Variants in CHCHD3 observed in about 807,000 individuals in gnomAD.
The protein encoded by CHCHD3 is coiled-coil-helix-coiled-coil-helix domain containing 3.
In CHCHD3, 20 loss-of-function variants were observed where a neutral mutation model predicts 38.2. The observed-to-expected ratio is 0.52, with a 90% CI of 0.37 to 0.76. The LOEUF (loss-of-function observed/expected upper bound fraction) is 0.76, where lower values mean the gene tolerates loss of function less well. CHCHD3 is among the 30% of genes least tolerant of loss of function. CHCHD3 has a pLI of 0.00. For synonymous variants in CHCHD3, 82 were observed against 100.0 expected, an observed-to-expected ratio of 0.82 and a Z score of 1.07; for missense variants, 245 against 279.2, an observed-to-expected ratio of 0.88 and a Z score of 0.87.
At chr7:132,900,293 C>T (rs191400355) in intron 4 of CHCHD3, among the ~76,000 whole-genome samples, 5 of 19,828 alleles carry the variant, frequency 2.5e-4, no homozygotes, top group African/African-American at 1.1e-3. Flanking sequence ...TTACATCATA[C>T]GGACATTTAA....
intron 4 of CHCHD3, among the ~76,000 whole-genome samples, chr7:132,935,067 G>A (rs923467583): frequency 2.0e-5 from 3 of 152,136 alleles, no homozygotes; most frequent in African/African-American, 7.2e-5. Context: ...AAACTCCACT[G>A]GACCCCCAAA....
intron 2 of CHCHD3, among the ~76,000 whole-genome samples, chr7:133,031,889 A>C (rs1293839644): frequency 2.0e-5 from 3 of 152,212 alleles, no homozygotes; most frequent in Non-Finnish European, 2.9e-5. Context: ...TTTTCAGCTC[A>C]ATAGAAATAC....
chr7:132,833,707 C>T (rs1426276119), intron 6 of CHCHD3, among the ~76,000 whole-genome samples: 1 of 152,106 alleles, frequency 6.6e-6, no homozygotes, highest in East Asian at 1.9e-4. Flanking sequence ...ATTTTACTGC[C>T]AAAACTATAC....
At chr7:132,861,812 AT>A (rs150981857) in intron 5 of CHCHD3, among the ~76,000 whole-genome samples, 35,094 of 151,960 alleles carry the variant, frequency 0.23, 4,241 homozygotes, top group South Asian at 0.26. Context: ...ATTCTTTTGA[AT>A]TTTTTCCCCA....
intron 4 of CHCHD3, among the ~76,000 whole-genome samples, chr7:132,886,789 G>A (rs1208259326): frequency 6.6e-6 from 1 of 151,394 alleles, no homozygotes; most frequent in Non-Finnish European, 1.5e-5. Flanking sequence ...TTAATTGTAT[G>A]CATCCAGCCA....
intron 4 of CHCHD3, among the ~76,000 whole-genome samples, chr7:132,910,175 G>A (rs769595774): frequency 6.6e-5 from 10 of 152,170 alleles, no homozygotes; most frequent in Non-Finnish European, 1.0e-4. Flanking sequence ...TATATTAAGG[G>A]CGGCCCTGGA....
chr7:132,803,377 A>G (rs1472979799), intron 6 of CHCHD3, among the ~76,000 whole-genome samples: 1 of 151,584 alleles, frequency 6.6e-6, no homozygotes, highest in South Asian at 2.1e-4. Flanking sequence ...TTATTAAATA[A>G]AGGCATGGCA....
intron 4 of CHCHD3, among the ~76,000 whole-genome samples, chr7:132,926,575 T>C (rs1387273384): frequency 6.6e-6 from 1 of 152,150 alleles, no homozygotes; most frequent in East Asian, 1.9e-4. Flanking sequence ...ATGTACATAT[T>C]TGCATTCTGT....
chr7:132,860,322 G>GAGAGAGAGAGAGAGAT (rs1554377230), intron 5 of CHCHD3, among the ~76,000 whole-genome samples: 1 of 149,876 alleles, frequency 6.7e-6, no homozygotes, highest in African/African-American at 2.5e-5. Flanking sequence ...GAGAAAGAGA[G>GAGAGAGAGAGAGAGAT]AGAGAGAGAG....
intron 3 of CHCHD3, among the ~76,000 whole-genome samples, chr7:132,997,659 T>TAAAAAAAAAAAAAAA (rs71178073): frequency 1.2e-5 from 1 of 81,736 alleles, no homozygotes; most frequent in African/African-American, 4.8e-5. Context: ...AACAGGGTTG[T>TAAAAAAAAAAAAAAA]AAAAAAAAAA....
At chr7:132,860,298 T>G (rs377470055) in intron 5 of CHCHD3, among the ~76,000 whole-genome samples, 71 of 96,352 alleles carry the variant, frequency 7.4e-4, no homozygotes, top group African/African-American at 2.5e-3. Flanking sequence ...TATAGATAGA[T>G]AGATAGAGAG....
intron 4 of CHCHD3, among the ~76,000 whole-genome samples, chr7:132,919,188 A>G (rs1370195594): frequency 7.6e-6 from 1 of 131,456 alleles, no homozygotes; most frequent in Non-Finnish European, 1.5e-5. Flanking sequence ...GGCTCACTGC[A>G]AGCTCCGCCT....
At chr7:132,961,366 G>A (rs1811314978) in intron 4 of CHCHD3, among the ~76,000 whole-genome samples, 1 of 152,306 alleles carries the variant, frequency 6.6e-6, no homozygotes, top group African/African-American at 2.4e-5. Context: ...TTTAAGCTTA[G>A]AGACAGCAAA....
chr7:132,857,494 G>A (rs1332080670), intron 5 of CHCHD3, among the ~76,000 whole-genome samples: 5 of 152,118 alleles, frequency 3.3e-5, no homozygotes, highest in African/African-American at 1.2e-4. Context: ...TGCAACCTCA[G>A]CCTCCCAGGT....
intron 5 of CHCHD3, among the ~76,000 whole-genome samples, chr7:132,871,306 T>C (rs1265004981): frequency 6.6e-6 from 1 of 152,228 alleles, no homozygotes; most frequent in Non-Finnish European, 1.5e-5. Context: ...TTTTTTAATG[T>C]ACCCAACAGC....
intron 7 of CHCHD3, among the ~76,000 whole-genome samples, chr7:132,787,442 G>A (rs1290166124): frequency 6.6e-6 from 1 of 152,092 alleles, no homozygotes; most frequent in Non-Finnish European, 1.5e-5. Context: ...CCCAAGGTAT[G>A]GGAGGATCCT....
intron 4 of CHCHD3, among the ~76,000 whole-genome samples, chr7:132,961,370 C>T (rs1349977373): frequency 2.0e-5 from 3 of 152,170 alleles, no homozygotes; most frequent in South Asian, 4.1e-4. Flanking sequence ...AGCTTAGAGA[C>T]AGCAAAGGGG....
In CHCHD3 at chr7:133,060,408, G is replaced by A. The variant is rs147818089; in HGVS notation, c.169+9734C>T. Among the ~76,000 whole-genome samples, 45 of 152,292 alleles carry A rather than the reference G, an allele frequency of 3.0e-4. No individual in the cohort carries two copies. In the East Asian group the frequency reaches 4.1e-3, roughly 14 times the overall value. On this transcript the variant is annotated intron_variant, in intron 2 of 7. Transcript: ENST00000262570. Reference sequence around the variant, plus strand: ...CCACGTGACGTGTGCTACGAGAGACGTGCACAGGTACCACAGGCCCACACA... The same window carrying A: ...CCACGTGACGTGTGCTACGAGAGACATGCACAGGTACCACAGGCCCACACA...
At chr7:132,978,643 AC>A (rs1811835805) in intron 3 of CHCHD3, among the ~76,000 whole-genome samples, 1 of 152,210 alleles carries the variant, frequency 6.6e-6, no homozygotes, top group African/African-American at 2.4e-5. Flanking sequence ...AACTAACGAG[AC>A]AAACTGTATC....
Sources: gnomAD v4.1 joint callset for allele counts (sites outside exome capture counted in the v4.1 genomes callset) on GRCh38, gnomAD v4.1.1 for gene constraint, MANE v1.5 for transcripts, NCBI Gene and HGNC (gene_info 2026-07-23, HGNC 2026-07-21) for gene names.